ABCA13: variants seen among roughly 807,000 people sequenced by gnomAD.
The protein encoded by ABCA13 is ATP-binding cassette sub-family A member 13.
In ABCA13, 476 loss-of-function variants were observed where a neutral mutation model predicts 478.7. The ratio of observed to expected loss-of-function variants is 0.99; its 90% CI spans 0.92 to 1.07. ABCA13 has a LOEUF of 1.07. Ranked by LOEUF, ABCA13 falls within the 50% of genes least tolerant of loss-of-function variation. The pLI is 0.00. For synonymous variants in ABCA13, 2,252 were observed against 2,158.9 expected (o/e 1.04, Z -1.20); for missense variants, 6,060 against 5,910.6 (o/e 1.03, Z -0.83).
Position 48,279,632 on chromosome 7 carries a change from A to G in ABCA13, c.8438A>G (p.Glu2813Gly), listed in dbSNP as rs201848202. 106 of 1,612,752 alleles carry G rather than the reference A, an allele frequency of 6.6e-5. No individual in the cohort carries two copies. The African/African-American group carries it at 1.3e-3, about 19-fold the overall frequency. ...LSQNITHHQL[E>G]KAIHNVLSRI... ...CAGAATATAACTCATCATCAACTTG[A>G]AAAAGCAATCCATAATGTTTTAAGT... Residue 2813 changes from glutamate to glycine, a missense_variant, in exon 18 of 62, where the codon GAA becomes GGA. Around this residue, in one of 3 missense-constraint regions of ABCA13, gnomAD observed 4,423 missense variants for 4,309.1 expected, o/e 1.03. Coordinates refer to ENST00000435803, the MANE Select transcript of ABCA13 (RefSeq NM_152701.5).
Position 48,389,101 on chromosome 7 carries a change from G to A in ABCA13, c.11535G>A (p.Val3845=), listed in dbSNP as rs1223383880. 6.2e-7 allele frequency: 1 copy of A among 1,613,972 alleles called. No individual in the cohort carries two copies. Among genetic ancestry groups the A allele is most frequent in the South Asian group, 1.1e-5 (1 of 91,082 alleles). The part of the protein sequence containing the change: ...LEGSAPGVTL[V]SVTKEYEGHK... Reference sequence around the variant, plus strand: ...GAAGTGCCCCGGGAGTCACCCTGGTGTCTGTGACCAAGGAATATGAGGGCC... The same window carrying A: ...GAAGTGCCCCGGGAGTCACCCTGGTATCTGTGACCAAGGAATATGAGGGCC... The change falls in exon 37 of 62, where the codon GTG becomes GTA. Residue 3845 remains valine (V), a synonymous_variant. Transcript: ENST00000435803.
chr7:48,453,523 T>A (rs1825293380), intron 42 of ABCA13, among the ~76,000 whole-genome samples: 1 of 152,194 alleles, frequency 6.6e-6, no homozygotes, highest in Admixed American at 6.5e-5. Context: ...TTCTGATCAC[T>A]TTTAACTCTC....
At chr7:48,579,849 T>C (rs1418172021) in intron 55 of ABCA13, among the ~76,000 whole-genome samples, 2 of 152,198 alleles carry the variant, frequency 1.3e-5, no homozygotes, top group Non-Finnish European at 2.9e-5. Flanking sequence ...TTCAGAGTTT[T>C]CTGGGAAAGT....
At chr7:48,264,744 A>G (rs1305624397) in intron 15 of ABCA13, among the ~76,000 whole-genome samples, 7 of 151,644 alleles carry the variant, frequency 4.6e-5, no homozygotes, top group Admixed American at 4.6e-4. Flanking sequence ...ATTCTTCTTA[A>G]CAAAGTAATC....
Position 48,580,324 on chromosome 7 carries a change from C to G in ABCA13, c.14455C>G (p.Leu4819Val), listed in dbSNP as rs781417644. The change falls in exon 56 of 62, where the codon CTC becomes GTC. Residue 4819 changes from leucine to valine, a missense_variant. By Grantham distance (32) the Leu-to-Val change is conservative. Coordinates refer to ENST00000435803, the MANE Select transcript of ABCA13 (RefSeq NM_152701.5). The part of the protein sequence containing the change: ...LDELLTGWEH[L>V]YYYCSLRGIP... ...CGAGCTTCTGACTGGTTGGGAACATCTCTATTATTACTGTAGCTTACGCGG... is the reference window on the plus strand; with the variant it reads ...CGAGCTTCTGACTGGTTGGGAACATGTCTATTATTACTGTAGCTTACGCGG... The G allele has an allele frequency of 1.9e-6, 3 of 1,613,034 alleles. No individual in the cohort carries two copies. The highest frequency in any genetic ancestry group is 1.1e-5 in the South Asian group (1 of 90,874).
Position 48,609,841 on chromosome 7 carries a change from C to A in ABCA13, c.14745-5444C>A, listed in dbSNP as rs572327984. Among the ~76,000 whole-genome samples, 29 of 152,312 alleles carry A rather than the reference C, an allele frequency of 1.9e-4. No individual in the cohort carries two copies. In the East Asian group the frequency reaches 4.6e-3, roughly 24 times the overall value. ...CAACCAGATCTCATGAGAACTCACT[C>A]ACTATCACAAGAATAGCAACAGGGA... is the stretch of plus-strand genomic sequence containing the variant. On this transcript the variant is annotated intron_variant, in intron 58 of 61. Coordinates refer to ENST00000435803, the MANE Select transcript of ABCA13 (RefSeq NM_152701.5).
intron 16 of ABCA13, 74 bp from the exon 17 acceptor site, chr7:48,271,713 G>A (rs1302320726): frequency 1.2e-5 from 11 of 926,894 alleles, no homozygotes; most frequent in Non-Finnish European, 1.6e-5. Flanking sequence ...CAATAAATGA[G>A]TATTAACTTG....
chr7:48,354,388 T>C (rs1029589452), intron 31 of ABCA13, among the ~76,000 whole-genome samples: 5 of 152,002 alleles, frequency 3.3e-5, no homozygotes, highest in African/African-American at 1.2e-4. Flanking sequence ...CCTACAAATG[T>C]ATTGATGGAA....
chr7:48,336,491 T>A (rs563331166), intron 28 of ABCA13, among the ~76,000 whole-genome samples: 1 of 152,214 alleles, frequency 6.6e-6, no homozygotes, highest in East Asian at 1.9e-4. Context: ...GGTGGAAGCA[T>A]CCTGGTGGGC....
chr7:48,246,116 C>A, intron 13 of ABCA13, 86 bp downstream of exon 13: 1 of 1,417,388 alleles, frequency 7.1e-7, no homozygotes, highest in South Asian at 1.5e-5. Flanking sequence ...CCTGGAGTTT[C>A]GATGAGGAAA....
chr7:48,198,399 A>G, intron 3 of ABCA13, 39 bp downstream of exon 3: 1 of 1,609,816 alleles, frequency 6.2e-7, no homozygotes, highest in Non-Finnish European at 8.5e-7. Flanking sequence ...AAATCTCAGA[A>G]AGCTGATACA....
chr7:48,573,818 T>G (rs899959584), intron 55 of ABCA13, among the ~76,000 whole-genome samples: 18 of 152,284 alleles, frequency 1.2e-4, no homozygotes, highest in Admixed American at 1.1e-3. Context: ...TTCTAGAGGC[T>G]TGAACTCCGA....
At chr7:48,443,312 C>T (rs1046900142) in intron 42 of ABCA13, among the ~76,000 whole-genome samples, 2 of 152,140 alleles carry the variant, frequency 1.3e-5, no homozygotes, top group African/African-American at 2.4e-5. Flanking sequence ...TGTGAGAGTT[C>T]GGCTGGTTGA....
intron 55 of ABCA13, among the ~76,000 whole-genome samples, chr7:48,531,348 A>G (rs562405073): frequency 6.6e-6 from 1 of 152,196 alleles, no homozygotes; most frequent in African/African-American, 2.4e-5. Context: ...CCATTCGTCT[A>G]TGTGCCTATT....
intron 27 of ABCA13, among the ~76,000 whole-genome samples, chr7:48,334,572 T>A (rs1312770428): frequency 6.6e-6 from 1 of 152,212 alleles, no homozygotes; most frequent in East Asian, 1.9e-4. Context: ...CCTGACCTCA[T>A]GAGCCACCCG....
chr7:48,239,385 T>A lies in ABCA13; in HGVS notation c.1042T>A (p.Trp348Arg), dbSNP rs776793698. The change falls in exon 9 of 62, where the codon TGG becomes AGG. Residue 348 changes from tryptophan to arginine, a missense_variant. By Grantham distance (101) the Trp-to-Arg change is moderately radical. Coordinates refer to ENST00000435803, the MANE Select transcript of ABCA13 (RefSeq NM_152701.5). ...AAACTATCTTGTCCATGCAGTCAGC[T>A]GGCTGCGAGTCTACCAACAGGTGCT... The part of the protein sequence containing the change: ...AKNYLVHAVS[W>R]LRVYQQVFVQ... 3 of 1,613,518 alleles carry A rather than the reference T, an allele frequency of 1.9e-6. No homozygotes were observed. The highest frequency in any genetic ancestry group is 2.5e-6 in the Non-Finnish European group (3 of 1,179,576).
intron 35 of ABCA13, 50 bp from the exon 36 acceptor site, chr7:48,387,772 C>A (rs570019457): frequency 1.4e-6 from 2 of 1,387,164 alleles, no homozygotes; most frequent in Admixed American, 2.5e-5. Flanking sequence ...TAATACAGTA[C>A]CTTCATCTAA....
intron 58 of ABCA13, among the ~76,000 whole-genome samples, chr7:48,610,457 G>T (rs186987287): frequency 6.6e-6 from 1 of 152,282 alleles, no homozygotes; most frequent in East Asian, 1.9e-4. Context: ...TTCCAGGAGC[G>T]CAGTGCAAGC....
At chr7:48,327,504 T>C (rs1804521594) in intron 27 of ABCA13, among the ~76,000 whole-genome samples, 1 of 152,166 alleles carries the variant, frequency 6.6e-6, no homozygotes, top group East Asian at 1.9e-4. Flanking sequence ...ATCAGACGCT[T>C]TCCCAAGTCC....
Sources: gnomAD v4.1 joint callset for allele counts (sites outside exome capture counted in the v4.1 genomes callset) on GRCh38, gnomAD v4.1.1 for gene constraint, gnomAD v4.1.1 regional missense constraint, MANE v1.5 for transcripts, NCBI Gene and HGNC (gene_info 2026-07-23, HGNC 2026-07-21) for gene names.